BEAN1: variants seen among roughly 807,000 people sequenced by gnomAD.
The protein encoded by BEAN1 is brain expressed associated with NEDD4 1.
BEAN1 carries 17 observed loss-of-function variants against 17.7 expected under a neutral mutation model. The ratio of observed to expected loss-of-function variants is 0.96; its 90% CI spans 0.66 to 1.44. BEAN1 has a LOEUF of 1.44. Ranked by LOEUF, BEAN1 falls within the 40% of genes most tolerant of loss-of-function variation. The pLI is 0.00. For missense variants in BEAN1, 359 were observed against 374.1 expected (o/e 0.96, Z 0.33); for synonymous variants, 142 against 151.8 (o/e 0.94, Z 0.47).
At chr16:66,494,846 T>C (rs1249465108), downstream of BEAN1, among the ~76,000 whole-genome samples, 1 of 152,220 alleles carries the variant, frequency 6.6e-6, no homozygotes, top group African/African-American at 2.4e-5. Flanking sequence ...CATTCAGGTA[T>C]GGCACATGCA....
intron 2 of BEAN1, among the ~76,000 whole-genome samples, chr16:66,469,220 G>A (rs1022198982): frequency 2.6e-5 from 4 of 152,226 alleles, no homozygotes; most frequent in African/African-American, 9.6e-5. Context: ...GTAAAATCAT[G>A]TTGACCTTTC....
In BEAN1 at chr16:66,469,677, C is replaced by T; in HGVS notation, c.101C>T (p.Ser34Phe). ...ESSEHSHLLV[S>F]PVLVASAVIG... Reference sequence around the variant, plus strand: ...TCGGAGCACAGCCATCTGCTCGTGTCCCCCGTGCTGGTGGCGAGTGCCGTC... The same window carrying T: ...TCGGAGCACAGCCATCTGCTCGTGTTCCCCGTGCTGGTGGCGAGTGCCGTC... The change falls in exon 3 of 5, where the codon TCC becomes TTC. Residue 34 changes from serine (S) to phenylalanine (F), a missense_variant. Transcript: ENST00000536005. 6.5e-7 allele frequency: 1 copy of T among 1,535,904 alleles called. No individual in the cohort carries two copies. Among genetic ancestry groups the T allele is most frequent in the South Asian group, 1.2e-5 (1 of 84,056 alleles).
At chr16:66,452,630 C>T (rs980718522) in intron 2 of BEAN1, among the ~76,000 whole-genome samples, 1 of 152,230 alleles carries the variant, frequency 6.6e-6, no homozygotes, top group Non-Finnish European at 1.5e-5. Flanking sequence ...GACCAGGAAT[C>T]TGAGTGCGTT....
At chr16:66,467,203 A>G (rs1437549058) in intron 2 of BEAN1, among the ~76,000 whole-genome samples, 1 of 152,254 alleles carries the variant, frequency 6.6e-6, no homozygotes, top group African/African-American at 2.4e-5. Flanking sequence ...AGTGAGAATC[A>G]GGAGGTTTTC....
chr16:66,481,298 G>A lies in BEAN1; in HGVS notation c.*373G>A. 1 of 399,502 alleles carries A rather than the reference G, an allele frequency of 2.5e-6. No individual in the cohort carries two copies. The highest frequency in any genetic ancestry group is 4.4e-6 in the Non-Finnish European group (1 of 226,736). The allele number at this position is 399,502 out of a possible 1,614,324, so 24.7% of individuals were successfully genotyped here. A position where few individuals can be genotyped will look rare whatever the true frequency, so the allele number is the denominator to read the frequency against. The stretch of plus-strand genomic sequence containing the variant: ...GTGGGATTTTCTCTTCCCTCTCCTG[G>A]GCCCGTTTGCCCCTACCCTCGCCCA... On this transcript the variant is annotated 3_prime_UTR_variant, in exon 5 of 5. Transcript: ENST00000536005. The surrounding 1 kb of genome is among the most constrained non-coding windows in gnomAD (Gnocchi z 4.1).
rs150888073 is a variant in BEAN1, at chr16:66,481,303, G to A, written c.*378G>A. On this transcript the variant is annotated 3_prime_UTR_variant, in exon 5 of 5. Coordinates refer to ENST00000536005, the MANE Select transcript of BEAN1 (RefSeq NM_001178020.3). This position sits in a 1 kb window ranked among gnomAD's most constrained non-coding sequence, Gnocchi z 4.1. ...ATTTTCTCTTCCCTCTCCTGGGCCC[G>A]TTTGCCCCTACCCTCGCCCAGCAAG... 2.0e-5 allele frequency: 8 copies of A among 399,380 alleles called. No homozygotes were observed. The highest frequency in any genetic ancestry group is 4.4e-5 in the Admixed American group (1 of 22,790). 24.7% of individuals were successfully genotyped at this position (399,380 alleles called of 1,614,324 possible). A position where few individuals can be genotyped will look rare whatever the true frequency, so the allele number is the denominator to read the frequency against.
At chr16:66,492,600 C>T (rs1350975105) in intron 4 of BEAN1, among the ~76,000 whole-genome samples, 6 of 151,682 alleles carry the variant, frequency 4.0e-5, no homozygotes, top group Middle Eastern at 3.2e-3. Flanking sequence ...CCACCATGCC[C>T]GGCTAATTTT....
chr16:66,452,288 C>T (rs1316875804), intron 2 of BEAN1, among the ~76,000 whole-genome samples: 2 of 152,134 alleles, frequency 1.3e-5, no homozygotes, highest in Non-Finnish European at 2.9e-5. Flanking sequence ...TGGAATAAGC[C>T]CTAGTATACT....
At chr16:66,469,517 A>G in intron 2 of BEAN1, 85 bp from the exon 3 acceptor site, 2 of 1,397,734 alleles carry the variant, frequency 1.4e-6, no homozygotes, top group South Asian at 2.7e-5. Context: ...TTAGGGAGCA[A>G]CAGCTCACAG....
chr16:66,448,913 G>A (rs1962561808), intron 2 of BEAN1, among the ~76,000 whole-genome samples: 1 of 152,214 alleles, frequency 6.6e-6, no homozygotes, highest in Admixed American at 6.5e-5. Flanking sequence ...GGGAGGCTAA[G>A]GCAGGAGGAT....
chr16:66,437,906 C>T, intron 2 of BEAN1: 1 of 694,624 alleles, frequency 1.4e-6, no homozygotes, highest in East Asian at 2.7e-5. Context: ...GAAAATCGCA[C>T]TTTGGCCCAT....
At chr16:66,429,251 G>C (rs185795204) in intron 1 of BEAN1, among the ~76,000 whole-genome samples, 1 of 152,304 alleles carries the variant, frequency 6.6e-6, no homozygotes, top group Admixed American at 6.5e-5. Flanking sequence ...TGATGTATTC[G>C]TCCAGGCAAC....
chr16:66,461,779 C>T (rs1046505394), intron 2 of BEAN1, among the ~76,000 whole-genome samples: 1 of 152,200 alleles, frequency 6.6e-6, no homozygotes, highest in East Asian at 1.9e-4. Flanking sequence ...AGCCAGCCCA[C>T]TATTCTACAG....
intron 2 of BEAN1, among the ~76,000 whole-genome samples, chr16:66,441,046 T>A (rs1013970362): frequency 2.6e-5 from 4 of 152,172 alleles, no homozygotes; most frequent in African/African-American, 9.7e-5. Flanking sequence ...AATTGCTCAT[T>A]CATTAAGTCT....
intron 2 of BEAN1, among the ~76,000 whole-genome samples, chr16:66,439,490 G>T (rs890859225): frequency 2.0e-5 from 3 of 152,216 alleles, no homozygotes; most frequent in African/African-American, 7.2e-5. Context: ...GCTGAGTGCG[G>T]AGGGCTTTCC....
At chr16:66,436,314 C>A (rs1962016201) in intron 1 of BEAN1, among the ~76,000 whole-genome samples, 1 of 142,712 alleles carries the variant, frequency 7.0e-6, no homozygotes, top group Non-Finnish European at 1.5e-5. Flanking sequence ...GTCACCCAGG[C>A]TGGAGTGCAG....
intron 2 of BEAN1, among the ~76,000 whole-genome samples, chr16:66,457,038 G>C (rs1223633935): frequency 3.9e-5 from 6 of 152,244 alleles, no homozygotes; most frequent in Admixed American, 2.0e-4. Flanking sequence ...ACATTAAACA[G>C]ATGGAAGCAG....
At position 66,482,307 on chromosome 16, in the gene BEAN1, C is replaced by T. The variant is rs1469686767; in HGVS notation, c.*1382C>T. 1 of 153,826 alleles carries T rather than the reference C, an allele frequency of 6.5e-6. No homozygotes were observed. The highest frequency in any genetic ancestry group is 1.4e-5 in the Non-Finnish European group (1 of 69,110). 9.5% of individuals were successfully genotyped at this position (153,826 alleles called of 1,614,324 possible). On this transcript the variant is annotated 3_prime_UTR_variant, in exon 5 of 5. Coordinates refer to ENST00000536005, the MANE Select transcript of BEAN1 (RefSeq NM_001178020.3). ...AAAAACAGCACCCTATCCTGCTTCCCCACATTTCTGTTCCTCCAATGAAGG... is the reference window on the plus strand; with the variant it reads ...AAAAACAGCACCCTATCCTGCTTCCTCACATTTCTGTTCCTCCAATGAAGG...
chr16:66,485,376 A>G, downstream of BEAN1: 1 of 338,932 alleles, frequency 3.0e-6, no homozygotes, highest in Non-Finnish European at 5.9e-6. Context: ...TGCCACTGAC[A>G]CTCCCACTCA....
Sources: gnomAD v4.1 joint callset for allele counts (sites outside exome capture counted in the v4.1 genomes callset) on GRCh38, gnomAD v4.1.1 for gene constraint, Gnocchi (gnomAD v3.1) non-coding constraint, MANE v1.5 for transcripts, NCBI Gene and HGNC (gene_info 2026-07-23, HGNC 2026-07-21) for gene names.